The following PTPRQ variants were observed in gnomAD, a reference collection of about 807,000 sequenced individuals.
PTPRQ encodes the protein protein tyrosine phosphatase receptor type Q.
In PTPRQ, 199 loss-of-function variants were observed where a neutral mutation model predicts 246.0. That is an observed-to-expected ratio of 0.81 (90% CI 0.72 to 0.91). PTPRQ has a LOEUF of 0.91. Ranked by LOEUF, PTPRQ falls within the 40% of genes least tolerant of loss-of-function variation. PTPRQ has a pLI of 0.00. For missense variants in PTPRQ, 2,624 were observed against 2,528.4 expected, an observed-to-expected ratio of 1.04 and a Z score of -0.81; for synonymous variants, 869 against 853.2, an observed-to-expected ratio of 1.02 and a Z score of -0.32.
rs2120377491 is a variant in PTPRQ at position 80,444,330 on chromosome 12, G to GA, written c.-11dup. 1 of 1,365,142 alleles carries GA rather than the reference G, an allele frequency of 7.3e-7. No individual in the cohort carries two copies. The highest frequency in any genetic ancestry group is 2.5e-5 in the East Asian group (1 of 39,910). 84.6% of individuals were successfully genotyped at this position (1,365,142 alleles called of 1,614,324 possible). On this transcript the variant is annotated 5_prime_UTR_variant, in exon 1 of 45. The change creates a new upstream start codon in the 5' untranslated region. Transcript: ENST00000644991. Reference sequence around the variant, plus strand: ...AGCCATCAATGTGATTCTACTGGCTGAAAAATGTAATAAAGATGGATTTTC... The same window carrying GA: ...AGCCATCAATGTGATTCTACTGGCTGAAAAAATGTAATAAAGATGGATTTTC...
At position 80,455,169 on chromosome 12, in the gene PTPRQ, G is replaced by A. The variant is rs78400892; in HGVS notation, c.391-2406G>A. Among the ~76,000 whole-genome samples, 788 of 150,696 alleles carry A rather than the reference G, an allele frequency of 5.2e-3. 8 individuals are homozygous for A. The highest frequency in any genetic ancestry group is 0.018 in the African/African-American group (742 of 40,276). On this transcript the variant is annotated intron_variant, in intron 3 of 44. Coordinates refer to ENST00000644991, the MANE Select transcript of PTPRQ (RefSeq NM_001145026.2). Reference sequence around the variant, plus strand: ...GCCTGGACAACAAGAACAAAACGCCGCCAAACAAAACAAAACAAACAAACA... The same window carrying A: ...GCCTGGACAACAAGAACAAAACGCCACCAAACAAAACAAAACAAACAAACA...
intron 25 of PTPRQ, among the ~76,000 whole-genome samples, chr12:80,556,162 G>A (rs1896640416): frequency 2.0e-5 from 3 of 151,956 alleles, no homozygotes; most frequent in Admixed American, 2.0e-4. Flanking sequence ...TGAGTAGCTG[G>A]GACTACAGGC....
In PTPRQ at chr12:80,678,582, A is replaced by G; in HGVS notation, c.6739-20A>G. The G allele has an allele frequency of 6.5e-7, 1 of 1,532,674 alleles. No homozygotes were observed. The highest frequency in any genetic ancestry group is 8.8e-7 in the Non-Finnish European group (1 of 1,138,436). The allele number at this position is 1,532,674 out of a possible 1,614,324, so 94.9% of individuals were successfully genotyped here. On this transcript the variant is annotated intron_variant, in intron 43 of 44. Transcript: ENST00000644991. ...TCTTCATCAATATATTTGTTTAACCACTCTGTCTTTGGTGTCTAGGCACAG... is the reference window on the plus strand; with the variant it reads ...TCTTCATCAATATATTTGTTTAACCGCTCTGTCTTTGGTGTCTAGGCACAG...
chr12:80,579,087 T>C (rs1897357738), intron 25 of PTPRQ, among the ~76,000 whole-genome samples: 1 of 152,196 alleles, frequency 6.6e-6, no homozygotes, highest in African/African-American at 2.4e-5. Context: ...CTCCTAATTA[T>C]TTTTAACCTA....
At chr12:80,513,126 C>A (rs949480224) in intron 17 of PTPRQ, among the ~76,000 whole-genome samples, 9 of 152,046 alleles carry the variant, frequency 5.9e-5, no homozygotes, top group Non-Finnish European at 1.0e-4. Context: ...AGTTAGACCC[C>A]CTGCCTTATC....
At chr12:80,616,877 G>A (rs1258353742) in intron 30 of PTPRQ, among the ~76,000 whole-genome samples, 4 of 151,146 alleles carry the variant, frequency 2.6e-5, no homozygotes, top group East Asian at 2.0e-4. Context: ...AGGGCCATTC[G>A]AATGATCACG....
In PTPRQ at chr12:80,506,569, T is replaced by G. The variant is rs7965277; in HGVS notation, c.2456T>G (p.Val819Gly). The G allele has an allele frequency of 0.26, 397,108 of 1,514,048 alleles. 57,110 individuals carry two copies. The highest frequency in any genetic ancestry group is 0.52 in the African/African-American group (37,092 of 71,874). 93.8% of individuals were successfully genotyped at this position (1,514,048 alleles called of 1,614,324 possible). Residue 819 changes from valine to glycine, a missense_variant and splice_region_variant, in exon 16 of 45, where the codon GTA (valine) becomes GGA (glycine). By Grantham distance (109) the Val-to-Gly change is moderately radical (BLOSUM62 -3). Coordinates refer to ENST00000644991, the MANE Select transcript of PTPRQ (RefSeq NM_001145026.2). ...NTTSLTQNIK[V>G]LKKYTQYIIE... Reference sequence around the variant, plus strand: ...ACTTACCTATTTGATTTCTCTTTAGTACTGAAGAAATATACCCAATATATC... The same window carrying G: ...ACTTACCTATTTGATTTCTCTTTAGGACTGAAGAAATATACCCAATATATC...
chr12:80,496,735 G>A (rs537734308), intron 14 of PTPRQ, among the ~76,000 whole-genome samples: 1 of 152,082 alleles, frequency 6.6e-6, no homozygotes, highest in African/African-American at 2.4e-5. Context: ...TTATATAAGG[G>A]AACTTCTAAT....
At chr12:80,478,624 G>A (rs937542455) in intron 8 of PTPRQ, among the ~76,000 whole-genome samples, 1 of 152,074 alleles carries the variant, frequency 6.6e-6, no homozygotes, top group African/African-American at 2.4e-5. Context: ...GTTGAAAACT[G>A]TGAAAAAAAT....
chr12:80,602,401 G>A (rs1338580036), intron 26 of PTPRQ, among the ~76,000 whole-genome samples: 2 of 151,724 alleles, frequency 1.3e-5, no homozygotes, highest in African/African-American at 4.8e-5. Flanking sequence ...TCTGTTTTGT[G>A]TTGCTATAAG....
chr12:80,506,433 T>A, intron 15 of PTPRQ, 136 bp from the exon 16 acceptor site: 2 of 835,642 alleles, frequency 2.4e-6, no homozygotes, highest in Non-Finnish European at 3.6e-6. Flanking sequence ...TAAGAGCTAC[T>A]ATTGCCAAAG....
At chr12:80,526,545 G>A (rs1050105382) in intron 17 of PTPRQ, among the ~76,000 whole-genome samples, 1 of 152,006 alleles carries the variant, frequency 6.6e-6, no homozygotes, top group Admixed American at 6.6e-5. Context: ...TTGATCAAAG[G>A]CCAAAATAGT....
chr12:80,494,148 A>G (rs1160268617), intron 10 of PTPRQ, among the ~76,000 whole-genome samples: 3 of 152,050 alleles, frequency 2.0e-5, no homozygotes, highest in African/African-American at 7.2e-5. Context: ...CATTACATTC[A>G]ATAGATGTTT....
intron 3 of PTPRQ, among the ~76,000 whole-genome samples, chr12:80,452,166 A>G (rs909106275): frequency 7.6e-6 from 1 of 130,784 alleles, no homozygotes; most frequent in African/African-American, 3.0e-5. Context: ...AGTCTGTTTT[A>G]TCAGAGACTA....
At chr12:80,649,113 G>A (rs566736333) in intron 36 of PTPRQ, among the ~76,000 whole-genome samples, 190 bp downstream of exon 36, 88 of 152,184 alleles carry the variant, frequency 5.8e-4, no homozygotes, top group African/African-American at 2.0e-3. Flanking sequence ...CTGGGGTGAA[G>A]CCTGCATGTC....
intron 6 of PTPRQ, 108 bp from the exon 7 acceptor site, chr12:80,468,602 C>A: frequency 8.6e-7 from 1 of 1,161,008 alleles, no homozygotes; most frequent in Non-Finnish European, 1.1e-6. Context: ...CTTTTAAGCG[C>A]GATATTTTAT....
rs557566308 is a variant in PTPRQ, at chr12:80,577,256, C to T, written c.4286-10873C>T. ...GAAGTTTAAGTGACTCACAGTTCAG[C>T]ATGACTGGGGAGGCCTCAGGAAACT... On this transcript the variant is annotated intron_variant, in intron 25 of 44. Transcript: ENST00000644991. 9.2e-5 allele frequency among the ~76,000 whole-genome samples: 14 copies of T among 152,336 alleles called. No homozygotes were observed. In the East Asian group the frequency reaches 2.5e-3, roughly 27 times the overall value.
intron 33 of PTPRQ, among the ~76,000 whole-genome samples, chr12:80,627,329 A>G (rs921186098): frequency 1.6e-4 from 24 of 148,610 alleles, no homozygotes; most frequent in Non-Finnish European, 2.1e-4. Flanking sequence ...TAGTCCTGTT[A>G]TAAGAACTCA....
intron 8 of PTPRQ, among the ~76,000 whole-genome samples, chr12:80,474,549 T>C (rs191461976): frequency 7.9e-5 from 12 of 152,364 alleles, no homozygotes; most frequent in African/African-American, 2.6e-4. Flanking sequence ...AGTTCTCTTA[T>C]GTATTTCCTA....
Sources: allele counts gnomAD v4.1 joint callset (sites outside exome capture counted in the v4.1 genomes callset), GRCh38; gene constraint gnomAD v4.1.1; transcripts MANE v1.5; gene names NCBI Gene and HGNC (gene_info 2026-07-23, HGNC 2026-07-21).